PRKN: variants seen among roughly 807,000 people sequenced by gnomAD.
PRKN encodes the protein parkin RBR E3 ubiquitin protein ligase.
In PRKN, 56 loss-of-function variants were observed where a neutral mutation model predicts 59.5. The observed-to-expected ratio is 0.94, with a 90% CI of 0.76 to 1.18. The LOEUF (loss-of-function observed/expected upper bound fraction) is 1.18, where lower values mean the gene tolerates loss of function less well. Ranked by LOEUF, PRKN falls within the 50% of genes most tolerant of loss-of-function variation. PRKN has a pLI of 0.00. For missense variants in PRKN, 657 were observed against 596.4 expected (o/e 1.10, Z -1.06); for synonymous variants, 250 against 222.1 (o/e 1.13, Z -1.12).
intron 1 of PRKN, among the ~76,000 whole-genome samples, chr6:162,592,552 G>T (rs2128214573): frequency 6.6e-6 from 1 of 152,208 alleles, no homozygotes; most frequent in South Asian, 2.1e-4. Context: ...CTTATCACCT[G>T]CCTGCTTCCA....
intron 1 of PRKN, among the ~76,000 whole-genome samples, chr6:162,479,243 TG>T (rs1792176570): frequency 2.0e-5 from 3 of 152,116 alleles, no homozygotes; most frequent in Admixed American, 2.0e-4. Flanking sequence ...TCTTTTTTTT[TG>T]AGACGGTGTC....
At chr6:162,641,209 G>A (rs888362599) in intron 1 of PRKN, among the ~76,000 whole-genome samples, 1 of 152,092 alleles carries the variant, frequency 6.6e-6, no homozygotes, top group African/African-American at 2.4e-5. Flanking sequence ...ACAATAGTTT[G>A]AGGTAATTAA....
chr6:162,036,234 G>A (rs1016102011), intron 5 of PRKN, among the ~76,000 whole-genome samples: 2 of 151,908 alleles, frequency 1.3e-5, no homozygotes, highest in Non-Finnish European at 2.9e-5. Context: ...TGCGGCAGGA[G>A]AATGGCGTGA....
intron 2 of PRKN, among the ~76,000 whole-genome samples, chr6:162,430,689 A>G (rs2128162996): frequency 6.6e-6 from 1 of 152,252 alleles, no homozygotes; most frequent in East Asian, 1.9e-4. Flanking sequence ...GGCCACATTA[A>G]TAGGCAGATT....
At chr6:162,249,095 G>A (rs960369520) in intron 3 of PRKN, among the ~76,000 whole-genome samples, 2 of 152,060 alleles carry the variant, frequency 1.3e-5, no homozygotes, top group Non-Finnish European at 2.9e-5. Context: ...GGCCAGGATG[G>A]TCTCGATCTC....
rs1414622941 is a variant in PRKN at position 161,414,585 on chromosome 6, A to C, written c.1084-27708T>G. ...CCTTTTGGCTGAGACTGTTTTGAAA[A>C]ATAGAAAATGGCAGGTAATTCAGGT... On this transcript the variant is annotated intron_variant, in intron 9 of 11. Transcript: ENST00000366898. The surrounding 1 kb of genome is among the most constrained non-coding windows in gnomAD (Gnocchi z 5.3). 1.3e-5 allele frequency among the ~76,000 whole-genome samples: 2 copies of C among 152,222 alleles called. No homozygotes were observed. Among genetic ancestry groups the C allele is most frequent in the Non-Finnish European group, 2.9e-5 (2 of 68,038 alleles).
At chr6:162,032,903 T>A (rs191171715) in intron 5 of PRKN, among the ~76,000 whole-genome samples, 8 of 152,252 alleles carry the variant, frequency 5.3e-5, no homozygotes, top group African/African-American at 1.9e-4. Context: ...CAAAGAAAGC[T>A]GCATGTTTGA....
At chr6:161,602,850 T>C (rs936532697) in intron 7 of PRKN, among the ~76,000 whole-genome samples, 1 of 152,186 alleles carries the variant, frequency 6.6e-6, no homozygotes, top group South Asian at 2.1e-4. Context: ...ATAAACAAGA[T>C]CTAATCCTTG....
chr6:161,372,392 G>A lies in PRKN; in HGVS notation c.1168-12187C>T, dbSNP rs1401492089. On this transcript the variant is annotated intron_variant, in intron 10 of 11. Coordinates refer to ENST00000366898, the MANE Select transcript of PRKN (RefSeq NM_004562.3). The surrounding 1 kb of genome is among the most constrained non-coding windows in gnomAD (Gnocchi z 4.2). ...GAGAGGGGTCAAAGCCGACCACAGA[G>A]CCTACCTTTTGTGCAAAGTATAGTT... is the stretch of plus-strand genomic sequence containing the variant. 6.6e-6 allele frequency among the ~76,000 whole-genome samples: 1 copy of A among 152,198 alleles called. No individual in the cohort carries two copies. Among genetic ancestry groups the A allele is most frequent in the Non-Finnish European group, 1.5e-5 (1 of 68,038 alleles).
rs1250319804 is a variant in PRKN at position 161,678,502 on chromosome 6, C to CAT, written c.871+107268_871+107269dup. Among the ~76,000 whole-genome samples the CAT allele has an allele frequency of 9.3e-5, 14 of 150,578 alleles. 1 individual carries two copies. Among genetic ancestry groups the CAT allele is most frequent in the African/African-American group, 2.4e-4 (10 of 40,854 alleles). Reference sequence around the variant, plus strand: ...TGTATCCTTGGTTATAAATACAGGTCATATATCAATTCTGGCATTTATTTA... The same window carrying CAT: ...TGTATCCTTGGTTATAAATACAGGTCATATATATCAATTCTGGCATTTATTTA... On this transcript the variant is annotated intron_variant, in intron 7 of 11. Coordinates refer to ENST00000366898, the MANE Select transcript of PRKN (RefSeq NM_004562.3).
chr6:162,383,506 T>C (rs1320309670), intron 2 of PRKN, among the ~76,000 whole-genome samples: 1 of 152,098 alleles, frequency 6.6e-6, no homozygotes, highest in Non-Finnish European at 1.5e-5. Context: ...TTCACTCGAG[T>C]ATGCCCTAAA....
At chr6:161,430,060 A>G (rs1788569434) in intron 9 of PRKN, among the ~76,000 whole-genome samples, 1 of 152,144 alleles carries the variant, frequency 6.6e-6, no homozygotes, top group Non-Finnish European at 1.5e-5. Flanking sequence ...TGCACATGGC[A>G]TGGGTTGCAT....
chr6:162,191,069 T>C (rs1382916724), intron 4 of PRKN, among the ~76,000 whole-genome samples: 1 of 152,198 alleles, frequency 6.6e-6, no homozygotes, highest in African/African-American at 2.4e-5. Context: ...GGCAAAGTGA[T>C]ACAAATAGGG....
At chr6:161,743,213 C>CTTT (rs768890758) in intron 7 of PRKN, among the ~76,000 whole-genome samples, 7 of 84,570 alleles carry the variant, frequency 8.3e-5, no homozygotes, top group Admixed American at 1.5e-4. Flanking sequence ...TGGTTTCTAC[C>CTTT]TTTTTTTTTT....
At chr6:161,938,226 C>A (rs1779425721) in intron 6 of PRKN, among the ~76,000 whole-genome samples, 1 of 152,162 alleles carries the variant, frequency 6.6e-6, no homozygotes, top group Admixed American at 6.5e-5. Flanking sequence ...GCTTACCAGG[C>A]TCCAGCGATA....
chr6:161,603,466 G>C (rs1306241020), intron 7 of PRKN, among the ~76,000 whole-genome samples: 2 of 152,142 alleles, frequency 1.3e-5, no homozygotes, highest in Non-Finnish European at 2.9e-5. Flanking sequence ...ATGACCTGTG[G>C]TGGAGCTCTG....
chr6:162,400,664 G>T (rs1174548302), intron 2 of PRKN, among the ~76,000 whole-genome samples: 1 of 152,054 alleles, frequency 6.6e-6, no homozygotes, highest in Non-Finnish European at 1.5e-5. Context: ...ACTTTGTCCT[G>T]ACTGTAAAAC....
rs201214399 is a variant in PRKN, at chr6:161,808,250, TA to T, written c.735-22343del. ...TCTAATAATATTTAAATTTTCAATT[TA>T]AAATATTATTTTTATTCTGCAAAGG... is the stretch of plus-strand genomic sequence containing the variant. On this transcript the variant is annotated intron_variant, in intron 6 of 11. Coordinates refer to ENST00000366898, the MANE Select transcript of PRKN (RefSeq NM_004562.3). Among the ~76,000 whole-genome samples the T allele has an allele frequency of 6.7e-3, 1,014 of 152,266 alleles. 14 individuals carry two copies. The highest frequency in any genetic ancestry group is 0.023 in the African/African-American group (970 of 41,558).
intron 5 of PRKN, among the ~76,000 whole-genome samples, chr6:162,041,351 T>C (rs1784062711): frequency 6.6e-6 from 1 of 152,270 alleles, no homozygotes; most frequent in African/African-American, 2.4e-5. Context: ...CTGTAAACAT[T>C]TGGACTCATG....
Sources: allele counts gnomAD v4.1 joint callset (sites outside exome capture counted in the v4.1 genomes callset), GRCh38; gene constraint gnomAD v4.1.1; non-coding constraint Gnocchi (gnomAD v3.1); transcripts MANE v1.5; gene names NCBI Gene and HGNC (gene_info 2026-07-23, HGNC 2026-07-21).